The following ZNF609 variants were observed in gnomAD, a reference collection of about 807,000 sequenced individuals.
ZNF609 encodes the protein zinc finger protein 609.
A neutral mutation model predicts 109.5 loss-of-function variants in ZNF609; 11 were observed. The ratio of observed to expected loss-of-function variants is 0.10; its 90% CI spans 0.06 to 0.17. The LOEUF (loss-of-function observed/expected upper bound fraction) is 0.17, where lower values mean the gene tolerates loss of function less well. Ranked by LOEUF, ZNF609 falls within the 10% of genes least tolerant of loss-of-function variation. The pLI, the probability that ZNF609 is intolerant of heterozygous loss-of-function variation, is 1.00. For missense variants in ZNF609, 1,559 were observed against 1,772.4 expected, an observed-to-expected ratio of 0.88 and a Z score of 2.16; for synonymous variants, 646 against 662.0, an observed-to-expected ratio of 0.98 and a Z score of 0.37.
chr15:64,681,215 A>ATT, intron 8 of ZNF609, 94 bp from the exon 9 acceptor site: 4 of 1,091,258 alleles, frequency 3.7e-6, no homozygotes, highest in South Asian at 1.3e-5. Flanking sequence ...TGAGTATCAG[A>ATT]TTTTTTTTTC....
chr15:64,519,127 G>GGGGGGC (rs1479934628), intron 2 of ZNF609, among the ~76,000 whole-genome samples: 2 of 141,254 alleles, frequency 1.4e-5, no homozygotes, highest in African/African-American at 5.2e-5. Flanking sequence ...GGCGGGGGGC[G>GGGGGGC]GGGGGCGGGG....
At chr15:64,651,153 T>C (rs1392172366) in intron 3 of ZNF609, among the ~76,000 whole-genome samples, 2 of 152,198 alleles carry the variant, frequency 1.3e-5, no homozygotes, top group Non-Finnish European at 2.9e-5. Flanking sequence ...TATGTAAGCC[T>C]GGTCCTATTT....
intron 2 of ZNF609, among the ~76,000 whole-genome samples, chr15:64,588,024 G>T (rs1194357589): frequency 6.6e-6 from 1 of 151,712 alleles, no homozygotes; most frequent in Admixed American, 6.6e-5. Context: ...ACAGGCATGA[G>T]CCACTGCCCA....
intron 2 of ZNF609, among the ~76,000 whole-genome samples, chr15:64,560,470 T>C (rs1894658346): frequency 6.6e-6 from 1 of 152,110 alleles, no homozygotes; most frequent in East Asian, 1.9e-4. Flanking sequence ...ACCCAGGGAA[T>C]TCCTTATTTT....
chr15:64,490,653 G>T (rs1893401055), intron 1 of ZNF609, among the ~76,000 whole-genome samples: 1 of 152,142 alleles, frequency 6.6e-6, no homozygotes, highest in Non-Finnish European at 1.5e-5. Context: ...ACAGGATTTA[G>T]TAAGGGTTTT....
At chr15:64,662,670 AT>A (rs892915599) in intron 3 of ZNF609, among the ~76,000 whole-genome samples, 45 of 147,078 alleles carry the variant, frequency 3.1e-4, no homozygotes, top group South Asian at 1.5e-3. Context: ...AAAACTAATA[AT>A]TTTTTTTTTC....
intron 3 of ZNF609, among the ~76,000 whole-genome samples, chr15:64,629,916 T>A (rs1041590078): frequency 2.3e-4 from 35 of 152,196 alleles, no homozygotes; most frequent in Admixed American, 7.9e-4. Context: ...CCGAGAACTT[T>A]ATCTCCACAC....
At chr15:64,612,627 CTTTT>C (rs60895709) in intron 2 of ZNF609, among the ~76,000 whole-genome samples, 6,562 of 132,264 alleles carry the variant, frequency 0.05, 502 homozygotes, top group African/African-American at 0.17. Flanking sequence ...CCAGGAGCCT[CTTTT>C]TTTTTTTTTT....
At chr15:64,574,546 A>G (rs1288090998) in intron 2 of ZNF609, among the ~76,000 whole-genome samples, 5 of 152,190 alleles carry the variant, frequency 3.3e-5, no homozygotes. Flanking sequence ...TGAGAGATAT[A>G]AAACTGTAAG....
chr15:64,638,296 A>T lies in ZNF609; in HGVS notation c.973+15244A>T, dbSNP rs1354020498. ...CTTGTGTCAATACTACATTGTCTTG[A>T]TAACTACAGCTTTGTAAATCTTGTT... On this transcript the variant is annotated intron_variant, in intron 3 of 9. Coordinates refer to ENST00000326648, the MANE Select transcript of ZNF609 (RefSeq NM_015042.2). 2.0e-5 allele frequency among the ~76,000 whole-genome samples: 3 copies of T among 151,328 alleles called. No individual in the cohort carries two copies. In the Admixed American group the frequency reaches 2.0e-4, roughly 10 times the overall value.
chr15:64,499,812 T>C lies in ZNF609; in HGVS notation c.393T>C (p.Ala131=). 1 of 1,614,092 alleles carries C rather than the reference T, an allele frequency of 6.2e-7. No homozygotes were observed. Among genetic ancestry groups the C allele is most frequent in the Non-Finnish European group, 8.5e-7 (1 of 1,180,012 alleles). ...VQGRSGDGAN[A]GGLVAAIAPK... ...GGCGCTCAGGAGATGGTGCCAATGC[T>C]GGAGGCCTGGTTGCTGCTATTGCTC... The change falls in exon 2 of 10, where the codon GCT becomes GCC. Residue 131 remains alanine (A), a synonymous_variant. Transcript: ENST00000326648.
At chr15:64,678,520 A>T in intron 6 of ZNF609, 38 bp downstream of exon 6, 1 of 1,522,888 alleles carries the variant, frequency 6.6e-7, no homozygotes, top group Non-Finnish European at 8.8e-7. Context: ...CATTCACTGG[A>T]AGGGGGAATG....
chr15:64,481,009 G>T (rs1046647251), intron 1 of ZNF609, among the ~76,000 whole-genome samples: 8 of 152,168 alleles, frequency 5.3e-5, no homozygotes, highest in Non-Finnish European at 1.2e-4. Context: ...ATTGATTCAG[G>T]TTTCTGTAGG....
At chr15:64,563,442 C>T (rs117691047) in intron 2 of ZNF609, among the ~76,000 whole-genome samples, 6,412 of 151,140 alleles carry the variant, frequency 0.042, 188 homozygotes, top group Middle Eastern at 0.068. Flanking sequence ...TGGAACAAAA[C>T]CCTGCCTCAA....
chr15:64,585,311 C>T (rs1411023193), intron 2 of ZNF609, among the ~76,000 whole-genome samples: 4 of 151,792 alleles, frequency 2.6e-5, no homozygotes, highest in African/African-American at 9.7e-5. Flanking sequence ...GGTGACAGAG[C>T]GAGACTCTGG....
chr15:64,601,122 G>C (rs1895491194), intron 2 of ZNF609, among the ~76,000 whole-genome samples: 1 of 152,128 alleles, frequency 6.6e-6, no homozygotes, highest in Admixed American at 6.6e-5. Flanking sequence ...CACCACTCTA[G>C]TTGAACATTG....
At chr15:64,494,597 A>G (rs894026436) in intron 1 of ZNF609, among the ~76,000 whole-genome samples, 3 of 151,882 alleles carry the variant, frequency 2.0e-5, no homozygotes, top group South Asian at 2.1e-4. Flanking sequence ...CTGGAGTGCA[A>G]TGGTGCAATC....
intron 3 of ZNF609, among the ~76,000 whole-genome samples, chr15:64,656,355 G>A (rs569744258): frequency 6.6e-6 from 1 of 152,266 alleles, no homozygotes; most frequent in East Asian, 1.9e-4. Flanking sequence ...GAGCCACCAT[G>A]CCTAGCTATC....
intron 2 of ZNF609, among the ~76,000 whole-genome samples, chr15:64,577,923 G>A (rs1389563365): frequency 6.6e-6 from 1 of 151,732 alleles, no homozygotes; most frequent in African/African-American, 2.4e-5. Context: ...AGGAGGTCAA[G>A]GTGGGAGGAT....
Sources: allele counts gnomAD v4.1 joint callset (sites outside exome capture counted in the v4.1 genomes callset), GRCh38; gene constraint gnomAD v4.1.1; transcripts MANE v1.5; gene names NCBI Gene and HGNC (gene_info 2026-07-23, HGNC 2026-07-21).